Variants in NLGN1 observed in about 807,000 individuals in gnomAD.
NLGN1 encodes the protein neuroligin-1.
Under a neutral mutation model 65.5 loss-of-function variants are expected in NLGN1, and 12 were observed. The observed-to-expected ratio is 0.18, with a 90% CI of 0.12 to 0.30. The LOEUF is 0.30. Ranked by LOEUF, NLGN1 falls within the 10% of genes least tolerant of loss-of-function variation. The pLI is 1.00. For synonymous variants in NLGN1, 350 were observed against 359.5 expected (o/e 0.97, Z 0.30); for missense variants, 750 against 1,007.1 (o/e 0.74, Z 3.46).
intron 4 of NLGN1, among the ~76,000 whole-genome samples, chr3:173,827,328 C>G (rs983030): frequency 0.81 from 123,725 of 151,900 alleles, 51,489 homozygotes; most frequent in Non-Finnish European, 0.86. Context: ...AATAAACATA[C>G]GATATTTAAG....
At chr3:173,475,893 CTATT>C (rs1726115837) in intron 2 of NLGN1, among the ~76,000 whole-genome samples, 2 of 152,078 alleles carry the variant, frequency 1.3e-5, no homozygotes, top group African/African-American at 4.8e-5. Context: ...TTAATTGGGT[CTATT>C]TATTAACTAA....
chr3:173,604,606 T>A, exon 3 of NLGN1: 1 of 1,613,278 alleles, frequency 6.2e-7, no homozygotes, highest in Non-Finnish European at 8.5e-7. Context: ...ACCATGGCAC[T>A]GCCCAGATGC....
intron 4 of NLGN1, among the ~76,000 whole-genome samples, chr3:174,115,601 G>A (rs752188845): frequency 3.9e-5 from 6 of 152,096 alleles, no homozygotes; most frequent in East Asian, 3.9e-4. Context: ...TTGGAATCCC[G>A]ACCCAGAAAT....
chr3:173,430,131 T>A (rs1716921489), intron 1 of NLGN1, among the ~76,000 whole-genome samples: 1 of 152,190 alleles, frequency 6.6e-6, no homozygotes, highest in South Asian at 2.1e-4. Flanking sequence ...GGGTAAAAAC[T>A]GAATCTGCTA....
chr3:174,266,183 G>GT (rs1748195952), intron 4 of NLGN1, among the ~76,000 whole-genome samples: 1 of 151,828 alleles, frequency 6.6e-6, no homozygotes, highest in African/African-American at 2.4e-5. Context: ...GTATCTGATA[G>GT]TTTTTTCAAT....
At chr3:173,594,886 G>A (rs1273394794) in intron 2 of NLGN1, among the ~76,000 whole-genome samples, 1 of 152,192 alleles carries the variant, frequency 6.6e-6, no homozygotes, top group Non-Finnish European at 1.5e-5. Context: ...AGGCTGAGCT[G>A]TACCTTGGCC....
chr3:174,147,611 T>C (rs1723584551), intron 4 of NLGN1, among the ~76,000 whole-genome samples: 1 of 151,738 alleles, frequency 6.6e-6, no homozygotes, highest in African/African-American at 2.4e-5. Context: ...TTTCTTTATA[T>C]TTTTAGTAGA....
intron 4 of NLGN1, among the ~76,000 whole-genome samples, chr3:174,181,065 G>T (rs1419768826): frequency 1.3e-5 from 2 of 152,162 alleles, no homozygotes; most frequent in Non-Finnish European, 2.9e-5. Flanking sequence ...TCAGAGACCT[G>T]TGTTGCAGAA....
At chr3:174,171,582 A>G (rs983650599) in intron 4 of NLGN1, among the ~76,000 whole-genome samples, 1 of 152,206 alleles carries the variant, frequency 6.6e-6, no homozygotes. Context: ...ATTAAATATT[A>G]AAGTCTTTAA....
At chr3:174,168,399 A>G (rs185249589) in intron 4 of NLGN1, among the ~76,000 whole-genome samples, 1 of 152,136 alleles carries the variant, frequency 6.6e-6, no homozygotes. Flanking sequence ...CTTCTATAAT[A>G]TTGTTTTTTA....
intron 3 of NLGN1, among the ~76,000 whole-genome samples, chr3:173,708,291 A>C (rs1279263892): frequency 6.6e-6 from 1 of 152,208 alleles, no homozygotes; most frequent in Admixed American, 6.5e-5. Context: ...GGACTCCTGC[A>C]TCCGACCTTG....
At chr3:173,941,063 A>C (rs1166409816) in intron 4 of NLGN1, among the ~76,000 whole-genome samples, 2 of 152,162 alleles carry the variant, frequency 1.3e-5, no homozygotes, top group African/African-American at 2.4e-5. Flanking sequence ...TTAGTTATGA[A>C]GAGAAAACAG....
intron 4 of NLGN1, among the ~76,000 whole-genome samples, chr3:174,272,700 TAGATAGATATAGATAGATAGAA>T (rs1184236476): frequency 6.7e-6 from 1 of 150,016 alleles, no homozygotes; most frequent in Non-Finnish European, 1.5e-5. Flanking sequence ...GATAGATAGA[TAGATAGATATAGATAGATAGAA>T]AGATAGATAG....
At chr3:174,146,588 A>G (rs1312618898) in intron 4 of NLGN1, among the ~76,000 whole-genome samples, 1 of 149,380 alleles carries the variant, frequency 6.7e-6, no homozygotes, top group African/African-American at 2.5e-5. Context: ...TTTTTTTTAG[A>G]CGGAGTTTTG....
chr3:174,245,464 C>A (rs1743620154), intron 4 of NLGN1, among the ~76,000 whole-genome samples: 1 of 152,156 alleles, frequency 6.6e-6, no homozygotes, highest in Middle Eastern at 3.4e-3. Context: ...TAATAAGTAA[C>A]TGAATTCAAA....
chr3:173,968,301 T>A (rs1287701632), intron 4 of NLGN1, among the ~76,000 whole-genome samples: 1 of 152,216 alleles, frequency 6.6e-6, no homozygotes, highest in African/African-American at 2.4e-5. Context: ...GACTTAATTT[T>A]GAACTGTTAT....
chr3:173,915,653 G>A (rs968257968), intron 4 of NLGN1, among the ~76,000 whole-genome samples: 30 of 152,026 alleles, frequency 2.0e-4, no homozygotes, highest in Non-Finnish European at 7.4e-5. Flanking sequence ...TAATCTATAC[G>A]GATACTGTTG....
At chr3:174,006,887 GTGAAACCTCATCT>G (rs1436131981) in intron 4 of NLGN1, among the ~76,000 whole-genome samples, 41 of 152,076 alleles carry the variant, frequency 2.7e-4, no homozygotes, top group Middle Eastern at 3.4e-3. Context: ...TGGCTACATG[GTGAAACCTCATCT>G]CTACTAAAAA....
intron 3 of NLGN1, among the ~76,000 whole-genome samples, chr3:173,747,057 T>TACACACAC (rs765173809): frequency 1.2e-5 from 1 of 81,752 alleles, no homozygotes; most frequent in African/African-American, 4.6e-5. Context: ...AAAAATTATA[T>TACACACAC]ATACACACAC....
Sources: allele counts gnomAD v4.1 joint callset (sites outside exome capture counted in the v4.1 genomes callset), GRCh38; gene constraint gnomAD v4.1.1; transcripts MANE v1.5; gene names NCBI Gene and HGNC (gene_info 2026-07-23, HGNC 2026-07-21).